NRP2: variants seen among roughly 807,000 people sequenced by gnomAD.
The protein encoded by NRP2 is neuropilin-2.
Under a neutral mutation model 110.4 loss-of-function variants are expected in NRP2, and 52 were observed. The ratio of observed to expected loss-of-function variants is 0.47; its 90% CI spans 0.38 to 0.59. The LOEUF is 0.59. NRP2 is among the 20% of genes least tolerant of loss of function. NRP2 has a pLI of 0.00. For missense variants in NRP2, 1,049 were observed against 1,203.0 expected (o/e 0.87, Z 1.89); for synonymous variants, 508 against 468.9 (o/e 1.08, Z -1.08).
chr2:205,743,417 C>T lies in NRP2; in HGVS notation c.1506C>T (p.Ile502=). ...LGTPKTVKGV[I]IQGARGGDSI... ...CACCCAAGACAGTGAAAGGTGTCAT[C>T]ATCCAGGGAGCCCGCGGAGGAGACA... The change falls in exon 9 of 17, where the codon ATC becomes ATT. Residue 502 remains isoleucine, a synonymous_variant. Coordinates refer to ENST00000357785, the MANE Select transcript of NRP2 (RefSeq NM_003872.3). The T allele has an allele frequency of 6.2e-7, 1 of 1,614,242 alleles. No homozygotes were observed. Among genetic ancestry groups the T allele is most frequent in the Non-Finnish European group, 8.5e-7 (1 of 1,180,054 alleles).
chr2:205,790,776 C>A (rs1327256787), intron 15 of NRP2, among the ~76,000 whole-genome samples: 1 of 152,128 alleles, frequency 6.6e-6, no homozygotes, highest in Non-Finnish European at 1.5e-5. Flanking sequence ...AGGAAACAAC[C>A]TGCTCTGTTG....
intron 3 of NRP2, among the ~76,000 whole-genome samples, chr2:205,721,306 T>C (rs956106808): frequency 6.6e-6 from 1 of 152,230 alleles, no homozygotes; most frequent in African/African-American, 2.4e-5. Context: ...TTGTGTTTTT[T>C]ATGCTTAGAG....
intron 15 of NRP2, among the ~76,000 whole-genome samples, chr2:205,786,916 C>G (rs1424216048): frequency 6.6e-6 from 1 of 152,106 alleles, no homozygotes; most frequent in Non-Finnish European, 1.5e-5. Flanking sequence ...CAAATGGTTT[C>G]AGGGAGTGGC....
chr2:205,776,489 C>T (rs1364470016), intron 15 of NRP2: 1 of 1,610,290 alleles, frequency 6.2e-7, no homozygotes, highest in East Asian at 2.2e-5. Flanking sequence ...CCCACCCTAA[C>T]CATTAAGCTA....
chr2:205,749,950 T>C, intron 11 of NRP2, 109 bp downstream of exon 11: 1 of 878,434 alleles, frequency 1.1e-6, no homozygotes, highest in South Asian at 1.4e-5. Context: ...ATCCAGGGGA[T>C]CTCAAAGAAG....
chr2:205,719,260 G>A (rs2056963832), intron 3 of NRP2, among the ~76,000 whole-genome samples: 1 of 152,140 alleles, frequency 6.6e-6, no homozygotes, highest in Non-Finnish European at 1.5e-5. Flanking sequence ...AGCCTTCGAT[G>A]GTACATTACC....
chr2:205,784,018 A>ACC (rs2058208221), intron 15 of NRP2, among the ~76,000 whole-genome samples: 1 of 152,030 alleles, frequency 6.6e-6, no homozygotes, highest in South Asian at 2.1e-4. Flanking sequence ...ACACACACAC[A>ACC]CACAGTGCCT....
At chr2:205,718,863 A>G (rs2056954439) in intron 3 of NRP2, among the ~76,000 whole-genome samples, 1 of 151,160 alleles carries the variant, frequency 6.6e-6, no homozygotes, top group Non-Finnish European at 1.5e-5. Context: ...AATCACTTGA[A>G]CCCAGAAGGA....
At chr2:205,698,860 G>T (rs2056493310) in intron 2 of NRP2, among the ~76,000 whole-genome samples, 4 of 152,152 alleles carry the variant, frequency 2.6e-5, no homozygotes, top group Admixed American at 2.6e-4. Context: ...TAATAAGGGG[G>T]CCAGCTGGCA....
intron 7 of NRP2, among the ~76,000 whole-genome samples, chr2:205,733,755 T>C (rs2057287382): frequency 1.3e-5 from 2 of 151,920 alleles, no homozygotes; most frequent in African/African-American, 4.8e-5. Context: ...AGCCCGCTCA[T>C]TGCTCTGATC....
At chr2:205,700,369 G>A (rs537091180) in intron 2 of NRP2, among the ~76,000 whole-genome samples, 8 of 152,184 alleles carry the variant, frequency 5.3e-5, no homozygotes, top group African/African-American at 1.7e-4. Flanking sequence ...CTGGTCTTCC[G>A]ATCACAGAGC....
At chr2:205,731,939 T>C (rs1983343) in intron 7 of NRP2, among the ~76,000 whole-genome samples, 57,910 of 152,094 alleles carry the variant, frequency 0.38, 11,875 homozygotes, top group African/African-American at 0.49. Context: ...AACTGTGGAA[T>C]TGAAGCTCTT....
chr2:205,723,421 A>T (rs1276213456), intron 4 of NRP2, among the ~76,000 whole-genome samples: 1 of 152,220 alleles, frequency 6.6e-6, no homozygotes, highest in Non-Finnish European at 1.5e-5. Context: ...CTTGGGTTGT[A>T]GGCCCAGCTC....
chr2:205,773,580 A>G (rs928325574), intron 15 of NRP2, among the ~76,000 whole-genome samples: 1 of 152,128 alleles, frequency 6.6e-6, no homozygotes, highest in South Asian at 2.1e-4. Flanking sequence ...ATTCTGAGAG[A>G]CTATGTCTGT....
intron 7 of NRP2, among the ~76,000 whole-genome samples, chr2:205,731,341 C>T (rs2057234901): frequency 6.6e-6 from 1 of 152,202 alleles, no homozygotes; most frequent in Non-Finnish European, 1.5e-5. Flanking sequence ...GTTAATACAA[C>T]AGTAGAAGGT....
At chr2:205,715,687 C>T (rs1461171926) in intron 2 of NRP2, among the ~76,000 whole-genome samples, 7 of 152,072 alleles carry the variant, frequency 4.6e-5, no homozygotes, top group East Asian at 1.9e-4. Flanking sequence ...AAACATCCCC[C>T]GTGTGCCTGG....
At chr2:205,692,029 G>T (rs1293071039) in intron 1 of NRP2, among the ~76,000 whole-genome samples, 1 of 152,200 alleles carries the variant, frequency 6.6e-6, no homozygotes, top group African/African-American at 2.4e-5. Flanking sequence ...CATTGGAGGT[G>T]TTTTAAGAGA....
At chr2:205,694,209 G>T (rs1344965634) in intron 1 of NRP2, among the ~76,000 whole-genome samples, 1 of 152,200 alleles carries the variant, frequency 6.6e-6, no homozygotes, top group Non-Finnish European at 1.5e-5. Flanking sequence ...AAGACAGAAA[G>T]AGTTTAAAAC....
At chr2:205,786,422 G>T (rs2058236842) in intron 15 of NRP2, among the ~76,000 whole-genome samples, 1 of 152,118 alleles carries the variant, frequency 6.6e-6, no homozygotes, top group Non-Finnish European at 1.5e-5. Context: ...TTCAACAAAG[G>T]CACTAAGTGG....
Sources: gnomAD v4.1 joint callset for allele counts (sites outside exome capture counted in the v4.1 genomes callset) on GRCh38, gnomAD v4.1.1 for gene constraint, MANE v1.5 for transcripts, NCBI Gene and HGNC (gene_info 2026-07-23, HGNC 2026-07-21) for gene names.